The following TNRC6B variants were observed in gnomAD, a reference collection of about 807,000 sequenced individuals.
The protein encoded by TNRC6B is trinucleotide repeat containing adaptor 6B, also known as trinucleotide repeat-containing gene 6B protein.
In TNRC6B, 52 loss-of-function variants were observed where a neutral mutation model predicts 203.6. The ratio of observed to expected loss-of-function variants is 0.26; its 90% CI spans 0.20 to 0.32. The LOEUF (loss-of-function observed/expected upper bound fraction) is 0.32, where lower values mean the gene tolerates loss of function less well. Ranked by LOEUF, TNRC6B falls within the 10% of genes least tolerant of loss-of-function variation. TNRC6B has a pLI of 1.00. For synonymous variants in TNRC6B, 838 were observed against 845.7 expected, an observed-to-expected ratio of 0.99 and a Z score of 0.16; for missense variants, 1,923 against 2,286.2, an observed-to-expected ratio of 0.84 and a Z score of 3.24.
intron 1 of TNRC6B, among the ~76,000 whole-genome samples, chr22:40,054,000 T>A (rs2067772028): frequency 1.3e-5 from 2 of 152,174 alleles, no homozygotes; most frequent in South Asian, 2.1e-4. Context: ...GTGAATATCT[T>A]GAGCTCAGGA....
intron 12 of TNRC6B, among the ~76,000 whole-genome samples, chr22:40,287,732 GATAA>G (rs1180999182): frequency 6.6e-6 from 1 of 152,218 alleles, no homozygotes; most frequent in African/African-American, 2.4e-5. Context: ...TAGCATGTTA[GATAA>G]TGTCTTCATC....
intron 12 of TNRC6B, among the ~76,000 whole-genome samples, chr22:40,291,146 G>A (rs930234811): frequency 6.6e-6 from 1 of 152,184 alleles, no homozygotes; most frequent in African/African-American, 2.4e-5. Flanking sequence ...AGCACTTTGG[G>A]AGACCAAGAT....
In TNRC6B at chr22:40,327,049, G is replaced by A. The variant is rs899402754; in HGVS notation, c.*3808G>A. ...GAATTCTTTTGTATTCCCTCCTGGG[G>A]CCAGGGGTCAGAATTCCCAAGCATG... On this transcript the variant is annotated 3_prime_UTR_variant, in exon 23 of 23. Coordinates refer to ENST00000454349, the MANE Select transcript of TNRC6B (RefSeq NM_001162501.2). 3 of 152,592 alleles carry A rather than the reference G, an allele frequency of 2.0e-5. No homozygotes were observed. The highest frequency in any genetic ancestry group is 4.4e-5 in the Non-Finnish European group (3 of 68,032). 9.5% of individuals were successfully genotyped at this position (152,592 alleles called of 1,614,324 possible).
chr22:40,322,493 A>G (rs2071346754), intron 22 of TNRC6B, among the ~76,000 whole-genome samples: 2 of 152,356 alleles, frequency 1.3e-5, no homozygotes, highest in African/African-American at 4.8e-5. Context: ...CATCCCTCTT[A>G]GCCCCCCACA....
rs894290428 is a variant in TNRC6B at position 40,324,292 on chromosome 22, T to G, written c.*1051T>G. On this transcript the variant is annotated 3_prime_UTR_variant, in exon 23 of 23. Transcript: ENST00000454349. Reference sequence around the variant, plus strand: ...GGAGCAACGGTGTGTTTATTTCTGTTTTTTTTTTTTTTTAAGTGAATGGCC... The same window carrying G: ...GGAGCAACGGTGTGTTTATTTCTGTGTTTTTTTTTTTTTAAGTGAATGGCC... 1 of 147,386 alleles carries G rather than the reference T, an allele frequency of 6.8e-6. No individual in the cohort carries two copies. The highest frequency in any genetic ancestry group is 6.8e-5 in the Admixed American group (1 of 14,664). The allele number at this position is 147,386 out of a possible 1,614,324, so 9.1% of individuals were successfully genotyped here.
intron 1 of TNRC6B, among the ~76,000 whole-genome samples, chr22:40,102,804 C>T (rs1257731418): frequency 2.6e-5 from 4 of 151,658 alleles, no homozygotes; most frequent in Admixed American, 6.6e-5. Context: ...ATTGACTGCG[C>T]GTGGTGGCTC....
chr22:40,316,315 G>C (rs904708942), intron 21 of TNRC6B, among the ~76,000 whole-genome samples: 5 of 149,680 alleles, frequency 3.3e-5, no homozygotes, highest in South Asian at 2.1e-4. Flanking sequence ...GATTGCGCTA[G>C]TGCACTCCAG....
intron 1 of TNRC6B, among the ~76,000 whole-genome samples, chr22:40,187,065 G>A (rs543748461): frequency 6.6e-6 from 1 of 152,282 alleles, no homozygotes; most frequent in South Asian, 2.1e-4. Flanking sequence ...GGAAATGTCA[G>A]TTTTTAAATT....
At position 40,080,094 on chromosome 22, in the gene TNRC6B, C is replaced by CTT. The variant is rs772109662; in HGVS notation, c.-121+35114_-121+35115dup. On this transcript the variant is annotated intron_variant, in intron 1 of 23. Transcript: ENST00000301923. ...ACAGACGTGAGCCACCGTGCCTGGC[C>CTT]TTTTTTTTTTTTTTTTTTTGTGTAG... Among the ~76,000 whole-genome samples, 1,074 of 113,760 alleles carry CTT rather than the reference C, an allele frequency of 9.4e-3. 53 individuals are homozygous for CTT. The highest frequency in any genetic ancestry group is 0.03 in the African/African-American group (822 of 27,210). The allele number at this position is 113,760 out of a possible 152,430, so 74.6% of individuals were successfully genotyped here. A position where few individuals can be genotyped will look rare whatever the true frequency, so the allele number is the denominator to read the frequency against.
At chr22:40,119,322 G>C (rs1264235655) in intron 2 of TNRC6B, among the ~76,000 whole-genome samples, 1 of 152,178 alleles carries the variant, frequency 6.6e-6, no homozygotes, top group Non-Finnish European at 1.5e-5. Context: ...GGTGGCTCAC[G>C]CCTATAGTCC....
rs766288864 is a variant in TNRC6B, at chr22:40,323,073, C to T, written c.5334C>T (p.Ser1778=). Residue 1778 remains serine (S), a synonymous_variant, in exon 23 of 23, where the codon AGC becomes AGT. Transcript: ENST00000454349. ...CTGGGCTCGGGCAGTGGAGCAGCAG[C>T]GCTGGTGGCAGCAGCGGGGCCGATC... ...GSTGLGQWSS[S]AGGSSGADLA... 4.4e-6 allele frequency: 7 copies of T among 1,604,344 alleles called. No individual in the cohort carries two copies. Among genetic ancestry groups the T allele is most frequent in the South Asian group, 1.1e-5 (1 of 90,106 alleles).
intron 15 of TNRC6B, among the ~76,000 whole-genome samples, chr22:40,306,831 C>T (rs1256682053): frequency 2.0e-5 from 3 of 152,030 alleles, no homozygotes; most frequent in African/African-American, 4.8e-5. Flanking sequence ...ACTAAAAATA[C>T]AAAAAATTAG....
At chr22:40,275,372 T>C (rs1445639592) in intron 7 of TNRC6B, among the ~76,000 whole-genome samples, 1 of 152,228 alleles carries the variant, frequency 6.6e-6, no homozygotes, top group Admixed American at 6.5e-5. Flanking sequence ...AACCAAGATT[T>C]AATTAAGTTA....
chr22:40,074,888 G>A (rs2067992158), intron 1 of TNRC6B, among the ~76,000 whole-genome samples: 1 of 152,016 alleles, frequency 6.6e-6, no homozygotes, highest in African/African-American at 2.4e-5. Flanking sequence ...AGCCTGGAAG[G>A]TGGAGGCTGC....
intron 1 of TNRC6B, among the ~76,000 whole-genome samples, chr22:40,210,134 G>A (rs1266261909): frequency 2.0e-5 from 3 of 151,906 alleles, no homozygotes; most frequent in East Asian, 1.9e-4. Context: ...TGGGATGCCC[G>A]CCTTGTGCCT....
At chr22:40,262,585 A>G (rs1419939829) in intron 4 of TNRC6B, among the ~76,000 whole-genome samples, 1 of 152,198 alleles carries the variant, frequency 6.6e-6, no homozygotes, top group Non-Finnish European at 1.5e-5. Context: ...GATTTGCTAC[A>G]TTGCAATATA....
At chr22:40,154,362 G>T (rs2068790855) in intron 3 of TNRC6B, among the ~76,000 whole-genome samples, 1 of 151,950 alleles carries the variant, frequency 6.6e-6, no homozygotes. Context: ...TACTCGGGAG[G>T]CTGAGGCAGG....
chr22:40,094,461 T>C (rs1159758630), intron 1 of TNRC6B, among the ~76,000 whole-genome samples: 1 of 151,574 alleles, frequency 6.6e-6, no homozygotes, highest in Admixed American at 6.5e-5. Context: ...GAAAATACTG[T>C]ATATGAAATA....
intron 1 of TNRC6B, among the ~76,000 whole-genome samples, chr22:40,046,284 G>A (rs974163478): frequency 2.0e-5 from 3 of 152,202 alleles, no homozygotes; most frequent in Non-Finnish European, 4.4e-5. Context: ...GCCTCTTATA[G>A]AGCGGAACTT....
Sources: allele counts gnomAD v4.1 joint callset (sites outside exome capture counted in the v4.1 genomes callset), GRCh38; gene constraint gnomAD v4.1.1; transcripts MANE v1.5; gene names NCBI Gene and HGNC (gene_info 2026-07-23, HGNC 2026-07-21).